The following ATAD2 variants were observed in gnomAD, a reference collection of about 807,000 sequenced individuals.
The protein encoded by ATAD2 is ATPase family AAA domain containing 2.
A neutral mutation model predicts 168.9 loss-of-function variants in ATAD2; 62 were observed. The ratio of observed to expected loss-of-function variants is 0.37; its 90% CI spans 0.30 to 0.45. The LOEUF is 0.45. Ranked by LOEUF, ATAD2 falls within the 20% of genes least tolerant of loss-of-function variation. ATAD2 has a pLI of 1.00. For synonymous variants in ATAD2, 613 were observed against 571.6 expected (o/e 1.07, Z -1.03); for missense variants, 1,419 against 1,667.8 (o/e 0.85, Z 2.60).
chr8:123,377,541 TA>T (rs1409434031), intron 2 of ATAD2, among the ~76,000 whole-genome samples: 7 of 152,196 alleles, frequency 4.6e-5, no homozygotes, highest in Admixed American at 2.0e-4. Flanking sequence ...CTATAAGTTT[TA>T]TACAAATAAA....
Position 123,326,003 on chromosome 8 carries a change from G to T in ATAD2, c.3892C>A (p.Arg1298=). 1 of 1,614,010 alleles carries T rather than the reference G, an allele frequency of 6.2e-7. No homozygotes were observed. The highest frequency in any genetic ancestry group is 1.1e-5 in the South Asian group (1 of 91,052). ...TGTTCTACCTGGGAACGTCTAGCTC[G>T]AGTCATTCGCAGAACACACATTTCT... The part of the protein sequence containing the change: ...GKEMCVLRMT[R]ARRSQVEQQQ... The change falls in exon 26 of 28, where the codon CGA becomes AGA. Residue 1298 remains arginine, a synonymous_variant. Coordinates refer to ENST00000287394, the MANE Select transcript of ATAD2 (RefSeq NM_014109.4).
At chr8:123,325,556 G>A (rs1029128829) in intron 26 of ATAD2, among the ~76,000 whole-genome samples, 1 of 152,050 alleles carries the variant, frequency 6.6e-6, no homozygotes, top group East Asian at 1.9e-4. Context: ...AAAGTGCTAG[G>A]ATTACAGGCA....
At chr8:123,334,446 G>A (rs1231488845) in intron 22 of ATAD2, 124 bp from the exon 23 acceptor site, 3 of 934,254 alleles carry the variant, frequency 3.2e-6, no homozygotes, top group Non-Finnish European at 4.5e-6. Flanking sequence ...ACCAAGAATA[G>A]TCAAAGTTAC....
chr8:123,363,183 T>A (rs981039606), intron 8 of ATAD2, among the ~76,000 whole-genome samples: 2 of 152,182 alleles, frequency 1.3e-5, no homozygotes, highest in African/African-American at 2.4e-5. Context: ...ATTATCTGCA[T>A]AATGTAGTTC....
At chr8:123,330,370 T>C (rs1056284242) in intron 24 of ATAD2, among the ~76,000 whole-genome samples, 2 of 151,746 alleles carry the variant, frequency 1.3e-5, no homozygotes, top group African/African-American at 4.8e-5. Context: ...TCTTGTTATC[T>C]TGATTTTTTT....
At chr8:123,387,042 C>T (rs1241722098) in intron 1 of ATAD2, among the ~76,000 whole-genome samples, 1 of 152,024 alleles carries the variant, frequency 6.6e-6, no homozygotes, top group Non-Finnish European at 1.5e-5. Flanking sequence ...CCCATTATTA[C>T]TGGAAAAATG....
intron 13 of ATAD2, among the ~76,000 whole-genome samples, chr8:123,355,463 A>G (rs1828611608): frequency 6.6e-6 from 1 of 152,256 alleles, no homozygotes; most frequent in Admixed American, 6.5e-5. Flanking sequence ...AGGTTGGGAC[A>G]ATAGCACTTG....
At chr8:123,352,688 T>G (rs1828507968) in intron 13 of ATAD2, 1 of 151,576 alleles carries the variant, frequency 6.6e-6, no homozygotes, top group Non-Finnish European at 1.5e-5. Flanking sequence ...CATACCTTTT[T>G]TTTTTTTACA....
At chr8:123,401,746 C>T (rs1813006324) in intron 1 of ATAD2, 1 of 746,514 alleles carries the variant, frequency 1.3e-6, no homozygotes, top group Non-Finnish European at 2.5e-6. Context: ...TGGCTGCCAC[C>T]TCGGAGGCCC....
At position 123,403,406 on chromosome 8, in the gene ATAD2, GT is replaced by G. The variant is rs113445655; in HGVS notation, c.-2281-2232del. On this transcript the variant is annotated intron_variant, in intron 1 of 28. Transcript: ENST00000521903. Reference sequence around the variant, plus strand: ...TGAGCCACTGCGCCCAGCCAGGAGGGTTTTTTTTTTTTTTTAAACATTTATT... The same window carrying G: ...TGAGCCACTGCGCCCAGCCAGGAGGGTTTTTTTTTTTTTTAAACATTTATT... 7.8e-3 allele frequency among the ~76,000 whole-genome samples: 1,096 copies of G among 139,958 alleles called. 7 individuals are homozygous for G. Among genetic ancestry groups the G allele is most frequent in the African/African-American group, 0.02 (766 of 38,408 alleles). 91.8% of individuals were successfully genotyped at this position (139,958 alleles called of 152,430 possible). A position where few individuals can be genotyped will look rare whatever the true frequency, so the allele number is the denominator to read the frequency against.
In ATAD2 at chr8:123,346,074, C is replaced by A; in HGVS notation, c.2532+12G>T. 6.7e-7 allele frequency: 1 copy of A among 1,490,142 alleles called. No homozygotes were observed. 92.3% of individuals were successfully genotyped at this position (1,490,142 alleles called of 1,614,324 possible). A position where few individuals can be genotyped will look rare whatever the true frequency, so the allele number is the denominator to read the frequency against. ...GCCTGTTTTGTCTTATACTTGGGCA[C>A]CAACAAATTACCTGGGCACATGTTT... On this transcript the variant is annotated intron_variant, in intron 18 of 27. Coordinates refer to ENST00000287394, the MANE Select transcript of ATAD2 (RefSeq NM_014109.4).
intron 9 of ATAD2, 101 bp from the exon 10 acceptor site, chr8:123,359,786 A>G: frequency 1.3e-6 from 1 of 791,294 alleles, no homozygotes; most frequent in Non-Finnish European, 2.0e-6. Context: ...AAAAAAATCT[A>G]AATTTCAACC....
chr8:123,345,433 G>A (rs533246462), intron 18 of ATAD2, among the ~76,000 whole-genome samples: 16 of 151,858 alleles, frequency 1.1e-4, no homozygotes, highest in South Asian at 2.1e-4. Flanking sequence ...AGGCCAAGGC[G>A]GGTGGACTGC....
chr8:123,404,376 T>C (rs550329084), intron 1 of ATAD2, among the ~76,000 whole-genome samples: 3 of 152,132 alleles, frequency 2.0e-5, no homozygotes, highest in Admixed American at 6.6e-5. Context: ...GTGTTGGCCA[T>C]GTTGCTTCCT....
chr8:123,372,517 T>C (rs1829178612), intron 3 of ATAD2, 120 bp downstream of exon 3: 1 of 772,094 alleles, frequency 1.3e-6, no homozygotes, highest in Non-Finnish European at 2.0e-6. Context: ...ATACTTACGT[T>C]AAAACCTAAC....
chr8:123,361,793 C>A lies in ATAD2; in HGVS notation c.1050-147G>T, dbSNP rs1228996326. On this transcript the variant is annotated intron_variant, in intron 8 of 27. Coordinates refer to ENST00000287394, the MANE Select transcript of ATAD2 (RefSeq NM_014109.4). ...GACCCACTGACATAAACTTTGTTCG[C>A]TGAATCTTTCAAATGGAATAAAAGA... The A allele has an allele frequency of 7.2e-6, 4 of 555,362 alleles. No homozygotes were observed. The African/African-American group carries it at 7.5e-5, about 10-fold the overall frequency. The allele number at this position is 555,362 out of a possible 1,614,324, so 34.4% of individuals were successfully genotyped here. A position where few individuals can be genotyped will look rare whatever the true frequency, so the allele number is the denominator to read the frequency against.
chr8:123,384,079 CAAAA>C (rs754380577), intron 1 of ATAD2, among the ~76,000 whole-genome samples: 2 of 73,388 alleles, frequency 2.7e-5, no homozygotes, highest in Admixed American at 1.6e-4. Context: ...GACTCCGTCT[CAAAA>C]AAAAAAAAAA....
At chr8:123,354,864 A>AAATATATAT (rs1554644338) in intron 13 of ATAD2, among the ~76,000 whole-genome samples, 5 of 64,710 alleles carry the variant, frequency 7.7e-5, no homozygotes, top group African/African-American at 4.3e-4. Context: ...AAAAAAAAAA[A>AAATATATAT]ATATATATAT....
At chr8:123,392,877 T>A (rs1812651890) in intron 1 of ATAD2, among the ~76,000 whole-genome samples, 1 of 152,196 alleles carries the variant, frequency 6.6e-6, no homozygotes, top group African/African-American at 2.4e-5. Context: ...TCAACTGTTT[T>A]GACTTTTTAA....
Sources: gnomAD v4.1 joint callset for allele counts (sites outside exome capture counted in the v4.1 genomes callset) on GRCh38, gnomAD v4.1.1 for gene constraint, MANE v1.5 for transcripts, NCBI Gene and HGNC (gene_info 2026-07-23, HGNC 2026-07-21) for gene names.